DAB2IP: variants seen among roughly 807,000 people sequenced by gnomAD.
The protein encoded by DAB2IP is disabled homolog 2-interacting protein.
Under a neutral mutation model 107.2 loss-of-function variants are expected in DAB2IP, and 28 were observed. The ratio of observed to expected loss-of-function variants is 0.26; its 90% CI spans 0.19 to 0.36. The LOEUF (loss-of-function observed/expected upper bound fraction) is 0.36. DAB2IP is among the 10% of genes least tolerant of loss of function. The pLI is 1.00. For missense variants in DAB2IP, 1,400 were observed against 1,644.7 expected (o/e 0.85, Z 2.57); for synonymous variants, 755 against 706.4 (o/e 1.07, Z -1.09).
chr9:121,777,263 C>T (rs757878959), intron 14 of DAB2IP, among the ~76,000 whole-genome samples: 33 of 152,328 alleles, frequency 2.2e-4, no homozygotes, highest in Middle Eastern at 3.4e-3. Context: ...CCAGGAAGGC[C>T]TCTGCTCCAT....
intron 8 of DAB2IP, 102 bp from the exon 9 acceptor site, chr9:121,766,392 G>A: frequency 9.2e-7 from 1 of 1,083,028 alleles, no homozygotes; most frequent in South Asian, 1.4e-5. Context: ...TCACGCAGCT[G>A]GCGGGGTAGA....
At chr9:121,594,489 G>A (rs1454757099) in intron 1 of DAB2IP, among the ~76,000 whole-genome samples, 2 of 152,194 alleles carry the variant, frequency 1.3e-5, no homozygotes, top group South Asian at 2.1e-4. Flanking sequence ...TACCCGCCTC[G>A]GCCTCCCAAA....
At chr9:121,674,491 G>C (rs971378591) in intron 1 of DAB2IP, among the ~76,000 whole-genome samples, 1 of 152,172 alleles carries the variant, frequency 6.6e-6, no homozygotes, top group African/African-American at 2.4e-5. Flanking sequence ...GGGAGAGTGG[G>C]CCCCTATCCT....
intron 1 of DAB2IP, among the ~76,000 whole-genome samples, chr9:121,574,506 A>G (rs1392713680): frequency 6.6e-6 from 1 of 152,126 alleles, no homozygotes; most frequent in African/African-American, 2.4e-5. Flanking sequence ...TAGGCCAAGG[A>G]TGCAGAGCTG....
intron 2 of DAB2IP, among the ~76,000 whole-genome samples, chr9:121,688,192 C>T (rs1828983732): frequency 6.6e-6 from 1 of 152,152 alleles, no homozygotes; most frequent in African/African-American, 2.4e-5. Flanking sequence ...CCTCATGCTA[C>T]AAAAATGAAA....
intron 8 of DAB2IP, among the ~76,000 whole-genome samples, chr9:121,764,274 G>A (rs1369078555): frequency 1.3e-5 from 2 of 152,192 alleles, no homozygotes. Context: ...CTTGTGATGG[G>A]GCCAAGCAGG....
chr9:121,670,817 G>A (rs1321862150), intron 1 of DAB2IP, among the ~76,000 whole-genome samples: 2 of 151,864 alleles, frequency 1.3e-5, no homozygotes, highest in Admixed American at 6.6e-5. Flanking sequence ...AGGAGTTCAG[G>A]ACCAGCCTAG....
At chr9:121,757,235 A>G (rs1833563136) in intron 4 of DAB2IP, 69 bp downstream of exon 4, 2 of 1,560,676 alleles carry the variant, frequency 1.3e-6, no homozygotes, top group Admixed American at 3.7e-5. Context: ...TCCTCCAGAC[A>G]TCCTCCTGGA....
intron 1 of DAB2IP, among the ~76,000 whole-genome samples, chr9:121,570,784 T>TGCTATCCCACTG: frequency 6.6e-6 from 1 of 152,054 alleles, no homozygotes; most frequent in African/African-American, 2.4e-5. Flanking sequence ...CTGGGCTCTC[T>TGCTATCCCACTG]CAATCTGCCC....
At chr9:121,705,619 G>T (rs1198903594) in intron 3 of DAB2IP, among the ~76,000 whole-genome samples, 1 of 152,246 alleles carries the variant, frequency 6.6e-6, no homozygotes, top group Non-Finnish European at 1.5e-5. Context: ...TTGTGTGCAT[G>T]TGTGCACTTT....
intron 3 of DAB2IP, among the ~76,000 whole-genome samples, chr9:121,716,070 G>A (rs1055809067): frequency 6.6e-6 from 1 of 152,208 alleles, no homozygotes; most frequent in African/African-American, 2.4e-5. Flanking sequence ...CAGGGTCACA[G>A]GTCTAAGGGG....
chr9:121,736,531 T>C lies in DAB2IP; in HGVS notation c.363-20482T>C, dbSNP rs1831931404. 8.1e-6 allele frequency among the ~76,000 whole-genome samples: 1 copy of C among 123,604 alleles called. No homozygotes were observed. Among genetic ancestry groups the C allele is most frequent in the African/African-American group, 3.0e-5 (1 of 32,926 alleles). 81.1% of individuals were successfully genotyped at this position (123,604 alleles called of 152,430 possible). ...TGCCGGGCCTGGGAAGGGCTGGGCC[T>C]ACTGCTGTGGGGTGGGGGGCGGGTG... is the stretch of plus-strand genomic sequence containing the variant. On this transcript the variant is annotated intron_variant, in intron 3 of 15. Transcript: ENST00000408936. This position sits in a 1 kb window ranked among gnomAD's most constrained non-coding sequence, Gnocchi z 4.6.
rs1252374006 is a variant in DAB2IP at position 121,698,596 on chromosome 9, C to T, written c.229-729C>T. Among the ~76,000 whole-genome samples the T allele has an allele frequency of 2.6e-5, 4 of 152,172 alleles. No homozygotes were observed. Among genetic ancestry groups the T allele is most frequent in the Non-Finnish European group, 4.4e-5 (3 of 68,028 alleles). On this transcript the variant is annotated intron_variant, in intron 2 of 15. Transcript: ENST00000408936. This position sits in a 1 kb window ranked among gnomAD's most constrained non-coding sequence, Gnocchi z 4.1. ...GAGCTGAGCACTAGGGATCCCGTCCCGCAAGGTGGTTGTCCTTGCTGGGGT... is the reference window on the plus strand; with the variant it reads ...GAGCTGAGCACTAGGGATCCCGTCCTGCAAGGTGGTTGTCCTTGCTGGGGT...
At chr9:121,769,505 C>T (rs1016306831) in intron 10 of DAB2IP, among the ~76,000 whole-genome samples, 4 of 152,224 alleles carry the variant, frequency 2.6e-5, no homozygotes, top group Non-Finnish European at 4.4e-5. Flanking sequence ...CTCCACCACC[C>T]CCAGGGACTT....
chr9:121,678,584 TC>T, intron 1 of DAB2IP, 93 bp from the exon 2 acceptor site: 1 of 1,069,842 alleles, frequency 9.3e-7, no homozygotes, highest in Non-Finnish European at 1.3e-6. Context: ...GACCGGTTTG[TC>T]TGTTGTCCTG....
At chr9:121,680,608 G>T (rs1283998091) in intron 2 of DAB2IP, among the ~76,000 whole-genome samples, 3 of 152,134 alleles carry the variant, frequency 2.0e-5, no homozygotes, top group African/African-American at 7.2e-5. Context: ...CAGCAGGCAG[G>T]GTGGGCCTTC....
Position 121,768,965 on chromosome 9 carries a change from A to T in DAB2IP, c.1899+332A>T, listed in dbSNP as rs141150693. Reference sequence around the variant, plus strand: ...GATCGTGAATCCGCCTGTATGAAGAAGATGACTCAAGACCCTGTACCTCCA... The same window carrying T: ...GATCGTGAATCCGCCTGTATGAAGATGATGACTCAAGACCCTGTACCTCCA... On this transcript the variant is annotated intron_variant, in intron 10 of 15. Coordinates refer to ENST00000408936, the Ensembl canonical transcript of DAB2IP. 5.2e-3 allele frequency among the ~76,000 whole-genome samples: 792 copies of T among 152,328 alleles called. 4 individuals are homozygous for T. The highest frequency in any genetic ancestry group is 7.0e-3 in the Admixed American group (107 of 15,304).
At chr9:121,621,826 C>A (rs370451835) in intron 1 of DAB2IP, among the ~76,000 whole-genome samples, 1 of 95,600 alleles carries the variant, frequency 1.0e-5, no homozygotes, top group African/African-American at 3.3e-5. Flanking sequence ...TTTTTTTTTT[C>A]GTATTTTTAG....
intron 3 of DAB2IP, among the ~76,000 whole-genome samples, chr9:121,720,160 AGCCCCTCACCCCGT>A (rs1564178039): frequency 6.6e-6 from 1 of 152,154 alleles, no homozygotes; most frequent in Non-Finnish European, 1.5e-5. Flanking sequence ...GTAAGACCTG[AGCCCCTCACCCCGT>A]GTCTGGGTCC....
Sources: allele counts gnomAD v4.1 joint callset (sites outside exome capture counted in the v4.1 genomes callset), GRCh38; gene constraint gnomAD v4.1.1; non-coding constraint Gnocchi (gnomAD v3.1); transcripts MANE v1.5; gene names NCBI Gene and HGNC (gene_info 2026-07-23, HGNC 2026-07-21).